DNM1L: variants seen among roughly 807,000 people sequenced by gnomAD.
The protein encoded by DNM1L is dynamin-1-like protein.
DNM1L carries 33 observed loss-of-function variants against 92.8 expected under a neutral mutation model. The observed-to-expected ratio is 0.36, with a 90% CI of 0.27 to 0.48. The LOEUF (loss-of-function observed/expected upper bound fraction) is 0.48. DNM1L is among the 20% of genes least tolerant of loss of function. DNM1L has a pLI of 0.99. For missense variants in DNM1L, 485 were observed against 888.8 expected, an observed-to-expected ratio of 0.55 and a Z score of 5.78; for synonymous variants, 284 against 305.0, an observed-to-expected ratio of 0.93 and a Z score of 0.72.
intron 12 of DNM1L, among the ~76,000 whole-genome samples, chr12:32,732,220 T>C (rs905660618): frequency 6.6e-6 from 1 of 152,178 alleles, no homozygotes; most frequent in African/African-American, 2.4e-5. Flanking sequence ...GGGGTGTGAA[T>C]AGCTTTGCTG....
At chr12:32,698,086 A>C (rs1176988070) in intron 1 of DNM1L, among the ~76,000 whole-genome samples, 4 of 152,190 alleles carry the variant, frequency 2.6e-5, no homozygotes, top group Admixed American at 2.6e-4. Context: ...TACAGGAATG[A>C]AATGATGGAA....
intron 6 of DNM1L, among the ~76,000 whole-genome samples, chr12:32,717,406 A>AT (rs1297468201): frequency 4.2e-5 from 3 of 71,564 alleles, no homozygotes; most frequent in African/African-American, 1.9e-4. Context: ...TATAATATAT[A>AT]ATATATATTT....
intron 7 of DNM1L, among the ~76,000 whole-genome samples, chr12:32,720,340 G>A (rs1953747746): frequency 1.3e-5 from 2 of 152,132 alleles, no homozygotes; most frequent in South Asian, 4.1e-4. Flanking sequence ...TTTTATACCT[G>A]TCTATACCTG....
Position 32,731,134 on chromosome 12 carries a change from T to G in DNM1L, c.1200T>G (p.Thr400=). The change falls in exon 10 of 20, where the codon ACT becomes ACG. Residue 400 remains threonine, a splice_region_variant and synonymous_variant. Coordinates refer to ENST00000549701, the MANE Select transcript of DNM1L (RefSeq NM_012062.5). The surrounding 1 kb of genome is among the most constrained non-coding windows in gnomAD (Gnocchi z 5.1). ...IDILTAIRNA[T]GPRPALFVPE... is the part of the protein sequence containing the mutation. Reference sequence around the variant, plus strand: ...TTTTGACTGCCATTAGAAATGCTACTGTGAGTATGTTTAGCTTTTTAGACT... The same window carrying G: ...TTTTGACTGCCATTAGAAATGCTACGGTGAGTATGTTTAGCTTTTTAGACT... 1 of 1,614,062 alleles carries G rather than the reference T, an allele frequency of 6.2e-7. No homozygotes were observed. The highest frequency in any genetic ancestry group is 8.5e-7 in the Non-Finnish European group (1 of 1,179,992).
rs964817816 is a variant in DNM1L, at chr12:32,731,613, A to G, written c.1356+102A>G. ...AATGTATAAGATGGGATACAAGGTAAAATCTGTAGTTCCCTTACCTGAAAG... is the reference window on the plus strand; with the variant it reads ...AATGTATAAGATGGGATACAAGGTAGAATCTGTAGTTCCCTTACCTGAAAG... On this transcript the variant is annotated intron_variant, in intron 11 of 19. Coordinates refer to ENST00000549701, the MANE Select transcript of DNM1L (RefSeq NM_012062.5). The surrounding 1 kb of genome is among the most constrained non-coding windows in gnomAD (Gnocchi z 5.1). 3 of 1,443,154 alleles carry G rather than the reference A, an allele frequency of 2.1e-6. No homozygotes were observed. In the African/African-American group the frequency reaches 4.2e-5, roughly 20 times the overall value. The allele number at this position is 1,443,154 out of a possible 1,614,324, so 89.4% of individuals were successfully genotyped here.
intron 1 of DNM1L, among the ~76,000 whole-genome samples, chr12:32,680,200 A>C (rs981421741): frequency 6.6e-6 from 1 of 152,016 alleles, no homozygotes; most frequent in East Asian, 1.9e-4. Flanking sequence ...TGGTCTTCTC[A>C]TAGCTAACTC....
intron 9 of DNM1L, chr12:32,726,727 G>T: frequency 1.6e-6 from 1 of 627,602 alleles, no homozygotes; most frequent in South Asian, 1.9e-5. Context: ...TGTTTCTGCT[G>T]CTGCTTAATG....
At chr12:32,684,057 A>G (rs1951902091) in intron 1 of DNM1L, among the ~76,000 whole-genome samples, 1 of 152,258 alleles carries the variant, frequency 6.6e-6, no homozygotes, top group Non-Finnish European at 1.5e-5. Context: ...ATGTAACACA[A>G]AATTCACCCT....
chr12:32,729,243 G>A (rs1417597468), intron 9 of DNM1L, among the ~76,000 whole-genome samples: 6 of 151,694 alleles, frequency 4.0e-5, no homozygotes, highest in African/African-American at 9.7e-5. Flanking sequence ...TACTATGCCC[G>A]GCTAATTTTT....
chr12:32,738,466 T>C (rs1955057529), intron 16 of DNM1L, among the ~76,000 whole-genome samples, 170 bp downstream of exon 16: 1 of 152,206 alleles, frequency 6.6e-6, no homozygotes, highest in Non-Finnish European at 1.5e-5. Context: ...AAACGTTGTT[T>C]TAATTAGTAA....
chr12:32,685,662 C>T (rs1951981794), intron 1 of DNM1L, among the ~76,000 whole-genome samples: 1 of 151,900 alleles, frequency 6.6e-6, no homozygotes, highest in African/African-American at 2.4e-5. Context: ...TGCGCCCAGC[C>T]GTGGCTGCAC....
intron 9 of DNM1L, chr12:32,727,113 T>C: frequency 1.4e-6 from 1 of 737,690 alleles, no homozygotes; most frequent in Non-Finnish European, 2.5e-6. Context: ...AGTCTTGGCC[T>C]TTTCTTTCAA....
intron 12 of DNM1L, among the ~76,000 whole-genome samples, chr12:32,733,245 C>T (rs1445884779): frequency 6.6e-6 from 1 of 152,206 alleles, no homozygotes; most frequent in East Asian, 1.9e-4. Flanking sequence ...GCTAATCAGT[C>T]ACTACCTCAG....
At position 32,679,332 on chromosome 12, in the gene DNM1L, G is replaced by T. The variant is rs114505859; in HGVS notation, c.-32G>T. On this transcript the variant is annotated 5_prime_UTR_variant, in exon 1 of 20. Transcript: ENST00000549701. ...CCCGGCCCCATTCATTGCCGTGGCC[G>T]GCGGGCACTGGGGCCCCGTGTTTTC... 0.013 allele frequency: 19,994 copies of T among 1,484,520 alleles called. 538 individuals carry two copies. Among genetic ancestry groups the T allele is most frequent in the African/African-American group, 0.11 (7,959 of 72,394 alleles). 92.0% of individuals were successfully genotyped at this position (1,484,520 alleles called of 1,614,324 possible).
chr12:32,712,649 C>CAAAAAAAAAAAAAAAAAAAAAAAA (rs59906286), intron 5 of DNM1L, among the ~76,000 whole-genome samples: 1 of 29,780 alleles, frequency 3.4e-5, no homozygotes, highest in African/African-American at 1.2e-4. Flanking sequence ...GACCCTGTCT[C>CAAAAAAAAAAAAAAAAAAAAAAAA]AAAAAAAAAA....
intron 5 of DNM1L, 108 bp downstream of exon 5, chr12:32,711,123 TTTG>T: frequency 1.1e-6 from 1 of 944,238 alleles, no homozygotes; most frequent in Non-Finnish European, 1.7e-6. Flanking sequence ...GTTAGCAGCA[TTTG>T]ATAACGTTGA....
chr12:32,680,819 C>T (rs1951775366), intron 1 of DNM1L, among the ~76,000 whole-genome samples: 1 of 152,248 alleles, frequency 6.6e-6, no homozygotes, highest in East Asian at 1.9e-4. Context: ...GGACTTTTAT[C>T]ATCAAAACTA....
rs747115615 is a variant in DNM1L at position 32,679,347 on chromosome 12, C to T, written c.-17C>T. The T allele has an allele frequency of 1.9e-6, 3 of 1,601,024 alleles. No individual in the cohort carries two copies. In the South Asian group the frequency reaches 3.3e-5, roughly 18 times the overall value. On this transcript the variant is annotated 5_prime_UTR_variant, in exon 1 of 20. Coordinates refer to ENST00000549701, the MANE Select transcript of DNM1L (RefSeq NM_012062.5). ...TGCCGTGGCCGGCGGGCACTGGGGCCCCGTGTTTTCAGAGTCATGGAGGCG... is the reference window on the plus strand; with the variant it reads ...TGCCGTGGCCGGCGGGCACTGGGGCTCCGTGTTTTCAGAGTCATGGAGGCG...
At chr12:32,704,769 G>A (rs1952854686) in intron 2 of DNM1L, among the ~76,000 whole-genome samples, 1 of 152,040 alleles carries the variant, frequency 6.6e-6, no homozygotes. Flanking sequence ...TCTCCCTTTG[G>A]ACTGAGTCCA....
Sources: allele counts gnomAD v4.1 joint callset (sites outside exome capture counted in the v4.1 genomes callset), GRCh38; gene constraint gnomAD v4.1.1; non-coding constraint Gnocchi (gnomAD v3.1); transcripts MANE v1.5; gene names NCBI Gene and HGNC (gene_info 2026-07-23, HGNC 2026-07-21).